The following RFTN1 variants were observed in gnomAD, a reference collection of about 807,000 sequenced individuals.
RFTN1 encodes raftlin.
In RFTN1, 26 loss-of-function variants were observed where a neutral mutation model predicts 46.5. The ratio of observed to expected loss-of-function variants is 0.56; its 90% CI spans 0.41 to 0.78. RFTN1 has a LOEUF of 0.78. RFTN1 is among the 30% of genes least tolerant of loss of function. RFTN1 has a pLI of 0.00. For synonymous variants in RFTN1, 261 were observed against 284.2 expected, an observed-to-expected ratio of 0.92 and a Z score of 0.82; for missense variants, 693 against 718.7, an observed-to-expected ratio of 0.96 and a Z score of 0.41.
chr3:16,446,937 A>G lies in RFTN1; in HGVS notation c.146-12900T>C, dbSNP rs2124895043. ...ATATAGTAATATAAAATGACAAACT[A>G]TGGAAACTATTGGAAATCATAAAGA... On this transcript the variant is annotated intron_variant, in intron 2 of 9. Coordinates refer to ENST00000334133, the MANE Select transcript of RFTN1 (RefSeq NM_015150.2). This position sits in a 1 kb window ranked among gnomAD's most constrained non-coding sequence, Gnocchi z 4.5. Among the ~76,000 whole-genome samples, 1 of 152,372 alleles carries G rather than the reference A, an allele frequency of 6.6e-6. No homozygotes were observed. The highest frequency in any genetic ancestry group is 2.1e-4 in the South Asian group (1 of 4,832).
rs902787762 is a variant in RFTN1, at chr3:16,394,573, C to T, written c.441+14802G>A. ...TGGAAGGGGAGTGGGGAATTGTGGG[C>T]GTGGCTACAGGAAGGGTTCAGGCTG... On this transcript the variant is annotated intron_variant, in intron 4 of 9. Transcript: ENST00000334133. 7.9e-5 allele frequency among the ~76,000 whole-genome samples: 12 copies of T among 152,036 alleles called. No homozygotes were observed. The East Asian group carries it at 1.2e-3, about 15-fold the overall frequency.
chr3:16,357,159 AAAC>A lies in RFTN1; in HGVS notation c.1146+770_1146+772del, dbSNP rs1358280006. 1.9e-4 allele frequency among the ~76,000 whole-genome samples: 29 copies of A among 150,574 alleles called. 1 individual carries two copies. The highest frequency in any genetic ancestry group is 3.5e-3 in the Middle Eastern group (1 of 288). ...AAACAAACAAACAAACAAACAAAAA[AAAC>A]CAAGAATTCAGTTCTCTATGTCCAA... On this transcript the variant is annotated intron_variant, in intron 7 of 9. Transcript: ENST00000334133.
At position 16,422,506 on chromosome 3, in the gene RFTN1, C is replaced by T. The variant is rs79992687; in HGVS notation, c.332+11345G>A. 0.013 allele frequency among the ~76,000 whole-genome samples: 1,918 copies of T among 152,188 alleles called. 120 individuals are homozygous for T. In the East Asian group the frequency reaches 0.16, roughly 12 times the overall value. On this transcript the variant is annotated intron_variant, in intron 3 of 9. Transcript: ENST00000334133. The surrounding 1 kb of genome is among the most constrained non-coding windows in gnomAD (Gnocchi z 4.6). ...ATTAGCTGGGCGTGGTGGCACGTGC[C>T]TGTAATCCCAGCTACTCAGGAGGCT...
intron 4 of RFTN1, among the ~76,000 whole-genome samples, 179 bp from the exon 5 acceptor site, chr3:16,378,281 A>G (rs1428530294): frequency 6.6e-6 from 1 of 152,258 alleles, no homozygotes; most frequent in African/African-American, 2.4e-5. Context: ...CCTAGTCTGA[A>G]GAAGACAGTT....
Position 16,378,005 on chromosome 3 carries a change from G to C in RFTN1, c.539C>G (p.Thr180Ser), listed in dbSNP as rs1458354237. The C allele has an allele frequency of 1.2e-6, 2 of 1,614,250 alleles. No individual in the cohort carries two copies. Among genetic ancestry groups the C allele is most frequent in the Non-Finnish European group, 1.7e-6 (2 of 1,180,042 alleles). Residue 180 changes from threonine (T) to serine (S), a missense_variant, in exon 5 of 10, where the codon ACT (threonine) becomes AGT (serine). Coordinates refer to ENST00000334133, the MANE Select transcript of RFTN1 (RefSeq NM_015150.2). ...TCTGGCATCCTCGGTGCTGTTGGCA[G>C]TAGACACCGGAGCACTGCTGCCTGC... ...NSAGSSAPVS[T>S]ANSTEDARDA...
At chr3:16,396,041 A>G (rs527393994) in intron 4 of RFTN1, among the ~76,000 whole-genome samples, 15 of 152,326 alleles carry the variant, frequency 9.8e-5, no homozygotes, top group African/African-American at 3.6e-4. Context: ...TTTACTTAAC[A>G]TGACTATTAG....
rs2072461162 is a variant in RFTN1 at position 16,356,728 on chromosome 3, C to T, written c.1146+1204G>A. Among the ~76,000 whole-genome samples the T allele has an allele frequency of 6.6e-6, 1 of 152,248 alleles. No individual in the cohort carries two copies. Among genetic ancestry groups the T allele is most frequent in the Non-Finnish European group, 1.5e-5 (1 of 68,052 alleles). On this transcript the variant is annotated intron_variant, in intron 7 of 9. Coordinates refer to ENST00000334133, the MANE Select transcript of RFTN1 (RefSeq NM_015150.2). The surrounding 1 kb of genome is among the most constrained non-coding windows in gnomAD (Gnocchi z 4.9). ...CACTCCTCACAAAGGGTTGTATCCA[C>T]CTCTGTCTTCCCTCGGCCTGGAGAG...
intron 4 of RFTN1, among the ~76,000 whole-genome samples, chr3:16,393,010 A>G (rs1385679443): frequency 1.3e-5 from 2 of 152,290 alleles, no homozygotes; most frequent in East Asian, 1.9e-4. Flanking sequence ...CTTTCATTCT[A>G]TAAACATTCA....
Position 16,385,293 on chromosome 3 carries a change from C to T in RFTN1, c.442-7191G>A, listed in dbSNP as rs956318440. On this transcript the variant is annotated intron_variant, in intron 4 of 9. Coordinates refer to ENST00000334133, the MANE Select transcript of RFTN1 (RefSeq NM_015150.2). The surrounding 1 kb of genome is among the most constrained non-coding windows in gnomAD (Gnocchi z 5.0). ...GGCTCAAAAATAACACGGGTTTGAGCTCACATCTGAAGCCGCCTTTAGTTT... is the reference window on the plus strand; with the variant it reads ...GGCTCAAAAATAACACGGGTTTGAGTTCACATCTGAAGCCGCCTTTAGTTT... Among the ~76,000 whole-genome samples the T allele has an allele frequency of 2.0e-5, 3 of 152,206 alleles. No individual in the cohort carries two copies. The highest frequency in any genetic ancestry group is 2.9e-5 in the Non-Finnish European group (2 of 68,044).
At chr3:16,419,934 C>T (rs1450240611) in intron 3 of RFTN1, among the ~76,000 whole-genome samples, 4 of 152,144 alleles carry the variant, frequency 2.6e-5, no homozygotes, top group Non-Finnish European at 5.9e-5. Flanking sequence ...GGGAGATGTG[C>T]AAAGGATACT....
Position 16,500,373 on chromosome 3 carries a change from A to G in RFTN1, c.-8-6496T>C, listed in dbSNP as rs1279638893. 1.3e-5 allele frequency among the ~76,000 whole-genome samples: 2 copies of G among 152,174 alleles called. No individual in the cohort carries two copies. Among genetic ancestry groups the G allele is most frequent in the Admixed American group, 1.3e-4 (2 of 15,278 alleles). On this transcript the variant is annotated intron_variant, in intron 1 of 9. Coordinates refer to ENST00000334133, the MANE Select transcript of RFTN1 (RefSeq NM_015150.2). The surrounding 1 kb of genome is among the most constrained non-coding windows in gnomAD (Gnocchi z 5.9). The stretch of plus-strand genomic sequence containing the variant: ...AGCAGACATCCCTGAAACTATGTGT[A>G]TGGGTCTCCCGAGCATCAAGGTACC...
At chr3:16,495,681 T>A (rs1385660813) in intron 1 of RFTN1, among the ~76,000 whole-genome samples, 1 of 152,094 alleles carries the variant, frequency 6.6e-6, no homozygotes, top group Non-Finnish European at 1.5e-5. Flanking sequence ...GGGCAGGCAG[T>A]GTGGTTTGGC....
At chr3:16,372,303 T>A (rs2073550674) in intron 5 of RFTN1, among the ~76,000 whole-genome samples, 1 of 152,142 alleles carries the variant, frequency 6.6e-6, no homozygotes, top group Admixed American at 6.5e-5. Flanking sequence ...AAAACACACT[T>A]CAGATTCACC....
chr3:16,417,855 G>C (rs1231502223), intron 3 of RFTN1, among the ~76,000 whole-genome samples: 3 of 152,100 alleles, frequency 2.0e-5, no homozygotes, highest in Non-Finnish European at 2.9e-5. Flanking sequence ...CTACAGGCGT[G>C]TACCACCACA....
rs1452792307 is a variant in RFTN1 at position 16,404,210 on chromosome 3, TTATATAATATATATTTTA to T, written c.441+5147_441+5164del. On this transcript the variant is annotated intron_variant, in intron 4 of 9. Transcript: ENST00000334133. ...ATATATAATATACATTTTATATATA[TTATATAATATATATTTTA>T]TATATAATATATATTTTATATATAA... Among the ~76,000 whole-genome samples, 24 of 9,022 alleles carry T rather than the reference TTATATAATATATATTTTA, an allele frequency of 2.7e-3. 4 individuals carry two copies. Among genetic ancestry groups the T allele is most frequent in the Non-Finnish European group, 3.8e-3 (22 of 5,818 alleles). The allele number at this position is 9,022 out of a possible 152,430, so 5.9% of individuals were successfully genotyped here.
At chr3:16,393,706 T>C (rs573234741) in intron 4 of RFTN1, among the ~76,000 whole-genome samples, 2 of 151,988 alleles carry the variant, frequency 1.3e-5, no homozygotes, top group Non-Finnish European at 2.9e-5. Context: ...TCACCCAGGC[T>C]GTAGTGCAGT....
chr3:16,423,085 G>A (rs972614570), intron 3 of RFTN1, among the ~76,000 whole-genome samples: 3 of 151,638 alleles, frequency 2.0e-5, no homozygotes, highest in Non-Finnish European at 2.9e-5. Flanking sequence ...GGAGAATGGC[G>A]AGAACCCAGG....
intron 4 of RFTN1, among the ~76,000 whole-genome samples, chr3:16,389,247 C>G (rs761515982): frequency 6.6e-6 from 1 of 152,142 alleles, no homozygotes; most frequent in Non-Finnish European, 1.5e-5. Flanking sequence ...GACTCCAGAC[C>G]AACAAAAATA....
chr3:16,488,678 C>T (rs544925072), intron 2 of RFTN1, among the ~76,000 whole-genome samples: 1 of 152,350 alleles, frequency 6.6e-6, no homozygotes, highest in African/African-American at 2.4e-5. Flanking sequence ...TCTGGCATCA[C>T]AAGAGCTTTG....
Sources: allele counts gnomAD v4.1 joint callset (sites outside exome capture counted in the v4.1 genomes callset), GRCh38; gene constraint gnomAD v4.1.1; non-coding constraint Gnocchi (gnomAD v3.1); transcripts MANE v1.5; gene names NCBI Gene and HGNC (gene_info 2026-07-23, HGNC 2026-07-21).